The following SIPA1L3 variants were observed in gnomAD, a reference collection of about 807,000 sequenced individuals.
SIPA1L3 encodes signal induced proliferation associated 1 like 3.
SIPA1L3 carries 59 observed loss-of-function variants against 150.1 expected under a neutral mutation model. The observed-to-expected ratio is 0.39, with a 90% CI of 0.32 to 0.49. The LOEUF (loss-of-function observed/expected upper bound fraction) is 0.49. Among genes scored for constraint, SIPA1L3 ranks in the 20% least tolerant of loss-of-function variants. The pLI, the probability that SIPA1L3 is intolerant of heterozygous loss-of-function variation, is 0.86. For missense variants in SIPA1L3, 2,211 were observed against 2,489.5 expected, an observed-to-expected ratio of 0.89 and a Z score of 2.38; for synonymous variants, 1,070 against 1,077.6, an observed-to-expected ratio of 0.99 and a Z score of 0.14.
At chr19:38,192,386 G>A in intron 17 of SIPA1L3, 76 bp downstream of exon 17, 4 of 1,377,052 alleles carry the variant, frequency 2.9e-6, no homozygotes, top group Non-Finnish European at 3.9e-6. Flanking sequence ...CAAGGAGAAG[G>A]GCTGTGCTCC....
chr19:38,142,490 CATCT>C (rs1004528738), intron 11 of SIPA1L3, 79 bp from the exon 12 acceptor site: 58 of 1,445,046 alleles, frequency 4.0e-5, no homozygotes, highest in East Asian at 2.6e-4. Flanking sequence ...TCTGTCCATC[CATCT>C]GTCTGTCCGT....
intron 2 of SIPA1L3, among the ~76,000 whole-genome samples, chr19:38,068,778 G>T (rs189781317): frequency 4.9e-4 from 75 of 152,278 alleles, no homozygotes; most frequent in African/African-American, 1.8e-3. Flanking sequence ...GATTGCTTGT[G>T]CCCAGGAATT....
chr19:38,018,111 T>C (rs1468147234), intron 1 of SIPA1L3, among the ~76,000 whole-genome samples: 1 of 151,486 alleles, frequency 6.6e-6, no homozygotes, highest in East Asian at 1.9e-4. Flanking sequence ...TCTTAGAGAA[T>C]TTATTACCAA....
intron 16 of SIPA1L3, among the ~76,000 whole-genome samples, chr19:38,188,519 G>A (rs535141028): frequency 5.9e-5 from 9 of 152,174 alleles, no homozygotes; most frequent in African/African-American, 2.2e-4. Context: ...CAGAGATGAT[G>A]TCCAGTCCTG....
At chr19:38,161,357 A>C (rs1199760934) in intron 13 of SIPA1L3, among the ~76,000 whole-genome samples, 1 of 151,292 alleles carries the variant, frequency 6.6e-6, no homozygotes, top group Non-Finnish European at 1.5e-5. Context: ...AAAAAAAAAA[A>C]AAAACTATGT....
At chr19:37,916,589 T>TC (rs2046416881) in intron 1 of SIPA1L3, among the ~76,000 whole-genome samples, 1 of 150,912 alleles carries the variant, frequency 6.6e-6, no homozygotes, top group South Asian at 2.1e-4. Context: ...TGTGTCAGGG[T>TC]CCATGCTTGA....
intron 2 of SIPA1L3, among the ~76,000 whole-genome samples, chr19:38,033,669 ACGTATGTGTG>A (rs1568512108): frequency 1.1e-4 from 17 of 149,292 alleles, no homozygotes; most frequent in Admixed American, 6.6e-5. Flanking sequence ...CGAGAGAGAT[ACGTATGTGTG>A]TGTGTGTGTG....
intron 3 of SIPA1L3, among the ~76,000 whole-genome samples, chr19:38,087,386 T>C (rs1725489): frequency 0.61 from 93,378 of 152,030 alleles, 30,961 homozygotes; most frequent in African/African-American, 0.86. Flanking sequence ...CTGATCGGGG[T>C]CATTAATTAC....
chr19:37,943,969 C>T (rs112123057), intron 1 of SIPA1L3, among the ~76,000 whole-genome samples: 7 of 152,068 alleles, frequency 4.6e-5, no homozygotes, highest in East Asian at 1.9e-4. Flanking sequence ...GGCTGTAACC[C>T]GTTCCAACAG....
At position 38,164,647 on chromosome 19, in the gene SIPA1L3, A is replaced by G. The variant is rs1467096853; in HGVS notation, c.3949A>G (p.Thr1317Ala). 3 of 1,613,188 alleles carry G rather than the reference A, an allele frequency of 1.9e-6. No individual in the cohort carries two copies. Among genetic ancestry groups the G allele is most frequent in the Non-Finnish European group, 2.5e-6 (3 of 1,179,838 alleles). Reference protein sequence around the residue: ...SDSGIDTTLYTSSPSCMSLAK... With the variant: ...SDSGIDTTLYASSPSCMSLAK... ...CAGCGGCATCGACACCACCCTCTAC[A>G]CCTCCAGCCCTAGCTGCATGTCCCT... Residue 1317 changes from threonine (T) to alanine (A), a missense_variant, in exon 15 of 22, where the codon ACC becomes GCC. Transcript: ENST00000222345. This position sits in a 1 kb window ranked among gnomAD's most constrained non-coding sequence, Gnocchi z 4.1.
rs780364347 is a variant in SIPA1L3, at chr19:38,082,264, A to C, written c.699A>C (p.Arg233=). ...NEFRSEQPDA[R]GCQALTELLR... ...TCCGCAGCGAGCAGCCCGACGCCCG[A>C]GGGTGCCAGGCCCTCACCGAGCTCC... Residue 233 remains arginine (R), a synonymous_variant, in exon 3 of 22, where the codon CGA becomes CGC. Transcript: ENST00000222345. 5 of 1,600,440 alleles carry C rather than the reference A, an allele frequency of 3.1e-6. No homozygotes were observed. The South Asian group carries it at 5.5e-5, about 18-fold the overall frequency.
intron 4 of SIPA1L3, among the ~76,000 whole-genome samples, chr19:38,096,710 T>C (rs1600063003): frequency 6.6e-6 from 1 of 152,054 alleles, no homozygotes; most frequent in Non-Finnish European, 1.5e-5. Flanking sequence ...CATGAGCTGG[T>C]ATTAGTGAGG....
intron 9 of SIPA1L3, among the ~76,000 whole-genome samples, chr19:38,123,055 A>C (rs966720251): frequency 2.0e-5 from 3 of 152,094 alleles, no homozygotes; most frequent in African/African-American, 7.2e-5. Flanking sequence ...TGCAGGCACA[A>C]ATGCGTCGTA....
chr19:37,948,591 G>A (rs1244868539), intron 1 of SIPA1L3, among the ~76,000 whole-genome samples: 1 of 152,186 alleles, frequency 6.6e-6, no homozygotes, highest in Non-Finnish European at 1.5e-5. Flanking sequence ...CTTAGAATGT[G>A]GGTAGGCAGA....
intron 1 of SIPA1L3, among the ~76,000 whole-genome samples, chr19:38,003,405 A>G (rs868217458): frequency 2.6e-5 from 4 of 152,134 alleles, no homozygotes; most frequent in Non-Finnish European, 4.4e-5. Flanking sequence ...TTTAAGTGTC[A>G]TTTTCTGGGT....
At chr19:38,167,735 TAA>T (rs2145991973) in intron 15 of SIPA1L3, among the ~76,000 whole-genome samples, 1 of 152,238 alleles carries the variant, frequency 6.6e-6, no homozygotes, top group Admixed American at 6.5e-5. Context: ...GCTAATTTTT[TAA>T]GTTTGTTAGT....
In SIPA1L3 at chr19:38,164,763, C is replaced by A; in HGVS notation, c.4065C>A (p.His1355Gln). ...GTCGCGAGGCCGCTGGGAGGTCCCACCACGCAGACAGGCGGCGGGAGGTCT... is the reference window on the plus strand; with the variant it reads ...GTCGCGAGGCCGCTGGGAGGTCCCAACACGCAGACAGGCGGCGGGAGGTCT... ...GGGREAAGRS[H>Q]HADRRREVSP... Residue 1355 changes from histidine (H) to glutamine (Q), a missense_variant, in exon 15 of 22, where the codon CAC (histidine) becomes CAA (glutamine). This residue lies in a region of SIPA1L3 where 806 missense variants were observed against 870.1 expected (regional missense o/e 0.93). Transcript: ENST00000222345. This position sits in a 1 kb window ranked among gnomAD's most constrained non-coding sequence, Gnocchi z 4.1. 6.2e-7 allele frequency: 1 copy of A among 1,613,090 alleles called. No homozygotes were observed. The highest frequency in any genetic ancestry group is 8.5e-7 in the Non-Finnish European group (1 of 1,179,618).
At chr19:38,182,415 G>A in intron 15 of SIPA1L3, 104 bp from the exon 16 acceptor site, 1 of 832,952 alleles carries the variant, frequency 1.2e-6, no homozygotes, top group Middle Eastern at 3.1e-4. Flanking sequence ...TCTGTCTTGT[G>A]CAAATGAACT....
At chr19:38,099,911 C>T (rs376690033) in intron 4 of SIPA1L3, 51 bp from the exon 5 acceptor site, 1 of 1,423,944 alleles carries the variant, frequency 7.0e-7, no homozygotes, top group Non-Finnish European at 9.6e-7. Context: ...TGCTCTTATC[C>T]CTTTTTAGGT....
Sources: gnomAD v4.1 joint callset for allele counts (sites outside exome capture counted in the v4.1 genomes callset) on GRCh38, gnomAD v4.1.1 for gene constraint, gnomAD v4.1.1 regional missense constraint, Gnocchi (gnomAD v3.1) non-coding constraint, MANE v1.5 for transcripts, NCBI Gene and HGNC (gene_info 2026-07-23, HGNC 2026-07-21) for gene names.